C8orf34: variants seen among roughly 807,000 people sequenced by gnomAD.
The protein encoded by C8orf34 is uncharacterized protein C8orf34.
A neutral mutation model predicts 68.3 loss-of-function variants in C8orf34; 65 were observed. The observed-to-expected ratio is 0.95, with a 90% confidence interval of 0.78 to 1.17. C8orf34 has a LOEUF of 1.17. Among genes scored for constraint, C8orf34 ranks in the 50% most tolerant of loss-of-function variants. The pLI is 0.00. For missense variants in C8orf34, 664 were observed against 655.4 expected (o/e 1.01, Z -0.14); for synonymous variants, 244 against 241.2 (o/e 1.01, Z -0.11).
rs147076776 is a variant in C8orf34, at chr8:68,542,586, T to C, written c.1105+9437T>C. Reference sequence around the variant, plus strand: ...GATAGGAAAGATATCTTTATTCATATATATAGTCTAAACACAAAAGGGCCA... The same window carrying C: ...GATAGGAAAGATATCTTTATTCATACATATAGTCTAAACACAAAAGGGCCA... On this transcript the variant is annotated intron_variant, in intron 7 of 13. Coordinates refer to ENST00000518698, the MANE Select transcript of C8orf34 (RefSeq NM_052958.4). Among the ~76,000 whole-genome samples, 867 of 152,278 alleles carry C rather than the reference T, an allele frequency of 5.7e-3. 8 individuals are homozygous for C. The highest frequency in any genetic ancestry group is 0.02 in the African/African-American group (833 of 41,556).
intron 1 of C8orf34, among the ~76,000 whole-genome samples, chr8:68,352,918 C>T (rs1354246947): frequency 6.6e-6 from 1 of 152,048 alleles, no homozygotes; most frequent in Non-Finnish European, 1.5e-5. Flanking sequence ...AGATAAATAT[C>T]CATATACTCA....
intron 1 of C8orf34, among the ~76,000 whole-genome samples, chr8:68,337,529 G>A (rs1216418384): frequency 1.3e-5 from 2 of 152,178 alleles, no homozygotes; most frequent in Non-Finnish European, 2.9e-5. Flanking sequence ...TTATGAAAGA[G>A]ATTATTGGGA....
At chr8:68,669,624 T>A (rs745777350) in intron 8 of C8orf34, among the ~76,000 whole-genome samples, 8 of 152,196 alleles carry the variant, frequency 5.3e-5, no homozygotes, top group Non-Finnish European at 1.2e-4. Context: ...GCCATTGTAA[T>A]GTTCATATTG....
At chr8:68,387,191 C>G (rs1278434898) in intron 1 of C8orf34, among the ~76,000 whole-genome samples, 6 of 152,008 alleles carry the variant, frequency 3.9e-5, no homozygotes, top group African/African-American at 1.4e-4. Context: ...ACTTCAGTGT[C>G]AGGCAGGAAG....
intron 4 of C8orf34, among the ~76,000 whole-genome samples, chr8:68,473,198 C>G (rs1812455291): frequency 6.6e-6 from 1 of 152,060 alleles, no homozygotes; most frequent in African/African-American, 2.4e-5. Context: ...AAAAGGAGAA[C>G]AGTTCTCTCT....
chr8:68,532,219 A>G (rs1815277733), intron 6 of C8orf34, among the ~76,000 whole-genome samples: 1 of 152,212 alleles, frequency 6.6e-6, no homozygotes, highest in Admixed American at 6.5e-5. Flanking sequence ...ACAATGGACT[A>G]TCCTCACGAG....
At chr8:68,464,398 C>T (rs879528155) in intron 3 of C8orf34, among the ~76,000 whole-genome samples, 8 of 152,030 alleles carry the variant, frequency 5.3e-5, no homozygotes, top group East Asian at 3.9e-4. Flanking sequence ...AGATTCAATG[C>T]CATCCCCATC....
chr8:68,540,686 A>C (rs561216381), intron 7 of C8orf34, among the ~76,000 whole-genome samples: 12 of 151,908 alleles, frequency 7.9e-5, no homozygotes, highest in Non-Finnish European at 1.6e-4. Flanking sequence ...CCATAAACGC[A>C]AAAAAATTAG....
chr8:68,525,754 G>T (rs1386663080), intron 6 of C8orf34: 9 of 627,696 alleles, frequency 1.4e-5, no homozygotes, highest in Admixed American at 9.2e-5. Flanking sequence ...GATCATCAAT[G>T]ATTTTAGATT....
chr8:68,679,767 A>T (rs1159823655), intron 8 of C8orf34, among the ~76,000 whole-genome samples: 1 of 152,204 alleles, frequency 6.6e-6, no homozygotes, highest in African/African-American at 2.4e-5. Flanking sequence ...GAACCCAGAA[A>T]GAAATTCATA....
At position 68,356,374 on chromosome 8, in the gene C8orf34, G is replaced by A. The variant is rs992773700; in HGVS notation, c.327+25035G>A. Among the ~76,000 whole-genome samples the A allele has an allele frequency of 1.1e-4, 17 of 151,860 alleles. No individual in the cohort carries two copies. In the South Asian group the frequency reaches 2.3e-3, roughly 20 times the overall value. The stretch of plus-strand genomic sequence containing the variant: ...TTTATTGGGTACTATATTATCTACC[G>A]AGAAAAATAAACACAAAAACTCATA... On this transcript the variant is annotated intron_variant, in intron 1 of 13. Coordinates refer to ENST00000518698, the MANE Select transcript of C8orf34 (RefSeq NM_052958.4).
intron 1 of C8orf34, among the ~76,000 whole-genome samples, chr8:68,372,036 C>G (rs998412941): frequency 1.2e-4 from 19 of 152,074 alleles, no homozygotes; most frequent in African/African-American, 4.6e-4. Context: ...AATGAAGAAG[C>G]CTCTGCATGT....
At chr8:68,635,057 G>A (rs1321482123) in intron 7 of C8orf34, among the ~76,000 whole-genome samples, 1 of 152,092 alleles carries the variant, frequency 6.6e-6, no homozygotes, top group Non-Finnish European at 1.5e-5. Context: ...ATCCAGATGG[G>A]GTGTGAGGAT....
At chr8:68,635,461 A>T (rs1035543978) in intron 7 of C8orf34, among the ~76,000 whole-genome samples, 1 of 152,224 alleles carries the variant, frequency 6.6e-6, no homozygotes, top group Non-Finnish European at 1.5e-5. Flanking sequence ...AAAAAGAGAA[A>T]GCAACTTTTA....
At chr8:68,418,905 C>T (rs1224793873) in intron 1 of C8orf34, among the ~76,000 whole-genome samples, 1 of 150,882 alleles carries the variant, frequency 6.6e-6, no homozygotes, top group African/African-American at 2.4e-5. Flanking sequence ...CATTACCATT[C>T]AGGACATAGG....
chr8:68,486,928 C>A (rs917209691), intron 4 of C8orf34, among the ~76,000 whole-genome samples: 14 of 152,160 alleles, frequency 9.2e-5, no homozygotes, highest in African/African-American at 3.4e-4. Context: ...GGTTTGACAC[C>A]AACCCCCCTT....
chr8:68,446,063 C>T (rs1029566467), intron 2 of C8orf34, among the ~76,000 whole-genome samples: 1 of 152,154 alleles, frequency 6.6e-6, no homozygotes, highest in African/African-American at 2.4e-5. Context: ...GCTGGGATTA[C>T]AGGCATGAAC....
chr8:68,531,894 C>T (rs941573276), intron 6 of C8orf34, among the ~76,000 whole-genome samples: 1 of 152,048 alleles, frequency 6.6e-6, no homozygotes, highest in East Asian at 1.9e-4. Context: ...GAATAAGGAG[C>T]ATTTCTTCAC....
At chr8:68,712,396 G>A (rs1014834735) in intron 9 of C8orf34, among the ~76,000 whole-genome samples, 4 of 152,012 alleles carry the variant, frequency 2.6e-5, no homozygotes, top group African/African-American at 7.2e-5. Context: ...ATACAAAATG[G>A]CAAAATGGAT....
Sources: gnomAD v4.1 joint callset for allele counts (sites outside exome capture counted in the v4.1 genomes callset) on GRCh38, gnomAD v4.1.1 for gene constraint, MANE v1.5 for transcripts, NCBI Gene and HGNC (gene_info 2026-07-23, HGNC 2026-07-21) for gene names.